The following ELMO1 variants were observed in gnomAD, a reference collection of about 807,000 sequenced individuals.
The protein encoded by ELMO1 is engulfment and cell motility 1, also known as engulfment and cell motility protein 1.
Under a neutral mutation model 98.9 loss-of-function variants are expected in ELMO1, and 26 were observed. The ratio of observed to expected loss-of-function variants is 0.26; its 90% confidence interval spans 0.19 to 0.36. The LOEUF (loss-of-function observed/expected upper bound fraction) is 0.36, where lower values mean the gene tolerates loss of function less well. Ranked by LOEUF, ELMO1 falls within the 10% of genes least tolerant of loss-of-function variation. The probability of loss-of-function intolerance (pLI) is 1.00; values close to 1 mark genes in which losing one functional copy is unlikely to be tolerated. For missense variants in ELMO1, 627 were observed against 935.2 expected, an observed-to-expected ratio of 0.67 and a Z score of 4.30; for synonymous variants, 346 against 346.0, an observed-to-expected ratio of 1.00 and a Z score of 0.00.
At chr7:36,908,557 T>A (rs1248528501) in intron 16 of ELMO1, among the ~76,000 whole-genome samples, 1 of 152,138 alleles carries the variant, frequency 6.6e-6, no homozygotes, top group Non-Finnish European at 1.5e-5. Context: ...TGTTATTTTT[T>A]TTTTTAAGAT....
chr7:36,903,051 T>C (rs539483867), intron 16 of ELMO1, among the ~76,000 whole-genome samples: 1 of 152,336 alleles, frequency 6.6e-6, no homozygotes, highest in South Asian at 2.1e-4. Flanking sequence ...GCATTGCCTC[T>C]TGGGTGAAGG....
chr7:36,935,715 C>T (rs1202607224), intron 16 of ELMO1, among the ~76,000 whole-genome samples: 2 of 152,148 alleles, frequency 1.3e-5, no homozygotes. Context: ...AGGTGCACAG[C>T]TGAGGGTTTT....
At position 36,878,136 on chromosome 7, in the gene ELMO1, G is replaced by C. The variant is rs1168264801; in HGVS notation, c.1715-19C>G. The C allele has an allele frequency of 6.3e-7, 1 of 1,582,938 alleles. No homozygotes were observed. The highest frequency in any genetic ancestry group is 1.7e-5 in the Admixed American group (1 of 59,874). ...AACTTGTCTGAGAGAAAAAACACAA[G>C]TTTACAAGGTAAGTGATTGTGGTTT... On this transcript the variant is annotated intron_variant, in intron 18 of 21. Coordinates refer to ENST00000310758, the MANE Select transcript of ELMO1 (RefSeq NM_014800.11).
At chr7:37,295,571 T>C (rs1029255746) in intron 4 of ELMO1, among the ~76,000 whole-genome samples, 25 of 152,212 alleles carry the variant, frequency 1.6e-4, no homozygotes, top group African/African-American at 5.3e-4. Flanking sequence ...GACTATAAAT[T>C]AGCCTTGCAC....
intron 10 of ELMO1, among the ~76,000 whole-genome samples, chr7:37,220,579 T>C (rs1793535590): frequency 6.6e-6 from 1 of 152,194 alleles, no homozygotes; most frequent in Non-Finnish European, 1.5e-5. Context: ...TAATCTTATA[T>C]CGACATTCCA....
intron 1 of ELMO1, among the ~76,000 whole-genome samples, chr7:37,395,291 C>T (rs1037458374): frequency 2.2e-5 from 3 of 137,294 alleles, no homozygotes; most frequent in South Asian, 2.4e-4. Flanking sequence ...TGCTTGAACC[C>T]GGGAGGCGGA....
chr7:37,354,788 C>G (rs1423612600), intron 1 of ELMO1, among the ~76,000 whole-genome samples: 2 of 152,186 alleles, frequency 1.3e-5, no homozygotes, highest in Admixed American at 1.3e-4. Context: ...AGACTCGAAG[C>G]CACAGGAAGT....
intron 4 of ELMO1, among the ~76,000 whole-genome samples, chr7:37,312,652 C>CTA (rs1249213222): frequency 2.0e-5 from 3 of 152,116 alleles, no homozygotes; most frequent in Non-Finnish European, 4.4e-5. Context: ...CTTATGTTCT[C>CTA]TATGAAGTCT....
chr7:37,189,112 A>G (rs1460964516), intron 13 of ELMO1, among the ~76,000 whole-genome samples: 1 of 152,254 alleles, frequency 6.6e-6, no homozygotes, highest in African/African-American at 2.4e-5. Flanking sequence ...TTCAAAAATA[A>G]GAAATTGTTT....
At chr7:37,441,830 G>A (rs994393830) in intron 1 of ELMO1, among the ~76,000 whole-genome samples, 6 of 152,224 alleles carry the variant, frequency 3.9e-5, no homozygotes, top group African/African-American at 1.4e-4. Context: ...CAGTATAAGA[G>A]AGAAGAGAGC....
intron 16 of ELMO1, among the ~76,000 whole-genome samples, chr7:36,987,020 A>G (rs1386286677): frequency 6.6e-6 from 1 of 152,216 alleles, no homozygotes. Flanking sequence ...TTGCAATGGT[A>G]TTCCTCAGAG....
intron 14 of ELMO1, among the ~76,000 whole-genome samples, chr7:37,120,447 G>A (rs746084180): frequency 1.8e-4 from 27 of 152,320 alleles, no homozygotes; most frequent in Middle Eastern, 3.4e-3. Flanking sequence ...CTTTTCTGAC[G>A]GTTTTAGCAA....
intron 16 of ELMO1, among the ~76,000 whole-genome samples, chr7:36,943,703 T>C (rs543692289): frequency 6.6e-6 from 1 of 152,348 alleles, no homozygotes; most frequent in South Asian, 2.1e-4. Context: ...TCAAGAAACA[T>C]GTATATTACT....
chr7:36,928,538 G>T (rs1785765146), intron 16 of ELMO1, among the ~76,000 whole-genome samples: 2 of 152,102 alleles, frequency 1.3e-5, no homozygotes, highest in Non-Finnish European at 2.9e-5. Context: ...TATCCAAGAA[G>T]CACTGACAAG....
intron 6 of ELMO1, among the ~76,000 whole-genome samples, chr7:37,249,625 A>G (rs1185413417): frequency 1.3e-5 from 2 of 152,232 alleles, no homozygotes. Flanking sequence ...ATACTCCTAC[A>G]AGAATGGTAA....
intron 1 of ELMO1, among the ~76,000 whole-genome samples, chr7:37,382,337 T>C (rs1254731408): frequency 1.3e-5 from 2 of 152,232 alleles, no homozygotes; most frequent in African/African-American, 4.8e-5. Flanking sequence ...TCCCAAATAG[T>C]AACATTTTAT....
intron 13 of ELMO1, among the ~76,000 whole-genome samples, chr7:37,164,164 T>A (rs965854188): frequency 1.3e-5 from 2 of 152,222 alleles, no homozygotes; most frequent in Non-Finnish European, 2.9e-5. Context: ...TCATATCCTT[T>A]GCCCACTTTT....
chr7:36,890,553 C>T (rs1012413196), intron 17 of ELMO1, among the ~76,000 whole-genome samples: 14 of 152,332 alleles, frequency 9.2e-5, no homozygotes, highest in East Asian at 1.9e-4. Context: ...TCCTTGACTT[C>T]TCTCTTTCTC....
In ELMO1 at chr7:36,853,552, G is replaced by A. The variant is rs748445666; in HGVS notation, c.*1999C>T. The stretch of plus-strand genomic sequence containing the variant: ...CATGTTAATAACATCGAAGCTTAAT[G>A]ATCAAGGAATTAACAGCTTGACACA... On this transcript the variant is annotated 3_prime_UTR_variant, in exon 22 of 22. Transcript: ENST00000310758. Among the ~76,000 whole-genome samples the A allele has an allele frequency of 6.6e-6, 1 of 152,212 alleles. No individual in the cohort carries two copies. The highest frequency in any genetic ancestry group is 6.5e-5 in the Admixed American group (1 of 15,278).
Sources: allele counts gnomAD v4.1 joint callset (sites outside exome capture counted in the v4.1 genomes callset), GRCh38; gene constraint gnomAD v4.1.1; transcripts MANE v1.5; gene names NCBI Gene and HGNC (gene_info 2026-07-23, HGNC 2026-07-21).